The following ANK2 variants were observed in gnomAD, a reference collection of about 807,000 sequenced individuals.
ANK2 encodes the protein ankyrin-2.
In ANK2, 83 loss-of-function variants were observed where a neutral mutation model predicts 360.5. That is an observed-to-expected ratio of 0.23 (90% CI 0.19 to 0.28). ANK2 has a LOEUF of 0.28. ANK2 is among the 10% of genes least tolerant of loss of function. The pLI is 1.00. For missense variants in ANK2, 4,201 were observed against 4,795.7 expected (o/e 0.88, Z 3.66); for synonymous variants, 1,740 against 1,759.5 (o/e 0.99, Z 0.28).
chr4:113,163,979 C>G (rs899234413), intron 1 of ANK2, among the ~76,000 whole-genome samples: 6 of 152,088 alleles, frequency 3.9e-5, no homozygotes, highest in African/African-American at 9.7e-5. Flanking sequence ...TTCTCTACCC[C>G]CTCCCCCTTG....
chr4:113,221,408 C>T (rs1381332199), intron 4 of ANK2, among the ~76,000 whole-genome samples: 1 of 152,038 alleles, frequency 6.6e-6, no homozygotes, highest in Admixed American at 6.5e-5. Flanking sequence ...ATCTGCAATA[C>T]CAGCACTTTG....
chr4:112,851,041 C>T (rs1046844026), intron 1 of ANK2, among the ~76,000 whole-genome samples: 24 of 152,134 alleles, frequency 1.6e-4, no homozygotes, highest in Admixed American at 3.3e-4. Flanking sequence ...AAATAGCACT[C>T]GTCCTCTATA....
At chr4:113,296,848 T>G (rs1369059988) in intron 22 of ANK2, among the ~76,000 whole-genome samples, 1 of 152,174 alleles carries the variant, frequency 6.6e-6, no homozygotes, top group Non-Finnish European at 1.5e-5. Flanking sequence ...TTCCGCTAAT[T>G]GATCAACCAT....
At chr4:112,852,564 T>A (rs1375242574) in intron 1 of ANK2, among the ~76,000 whole-genome samples, 1 of 152,216 alleles carries the variant, frequency 6.6e-6, no homozygotes, top group Non-Finnish European at 1.5e-5. Flanking sequence ...TAGGATAGTA[T>A]GAATTATTTA....
Position 113,160,606 on chromosome 4 carries a change from CCCTTATATTAT to C in ANK2, c.85-13809_85-13799del, listed in dbSNP as rs1422863395. ...GAACATCTTCCCTTATATTGTTTTT[CCCTTATATTAT>C]ATTTCCAGAAATACTTCTCCATCTA... is the stretch of plus-strand genomic sequence containing the variant. On this transcript the variant is annotated intron_variant, in intron 1 of 45. Coordinates refer to ENST00000357077, the MANE Select transcript of ANK2 (RefSeq NM_001148.6). Among the ~76,000 whole-genome samples the C allele has an allele frequency of 6.4e-3, 975 of 152,264 alleles. 4 individuals are homozygous for C. The highest frequency in any genetic ancestry group is 0.023 in the African/African-American group (941 of 41,542).
At chr4:113,338,850 A>T (rs2093921222) in intron 31 of ANK2, among the ~76,000 whole-genome samples, 1 of 151,926 alleles carries the variant, frequency 6.6e-6, no homozygotes, top group Non-Finnish European at 1.5e-5. Context: ...CGCCCGGCCG[A>T]TTGTTCACTG....
At chr4:112,813,030 G>C in the ANK2 span, among the ~76,000 whole-genome samples, 1 of 151,990 alleles carries the variant, frequency 6.6e-6, no homozygotes, top group African/African-American at 2.4e-5. Context: ...ACAAGGTCAG[G>C]AGTTCGAGAC....
At chr4:113,287,780 A>G (rs1299056888) in intron 19 of ANK2, 77 bp downstream of exon 19, 2 of 1,194,794 alleles carry the variant, frequency 1.7e-6, no homozygotes, top group Non-Finnish European at 2.5e-6. Context: ...GGGTCACCCC[A>G]TGTCCAGGGT....
intron 1 of ANK2, among the ~76,000 whole-genome samples, chr4:112,850,266 A>G (rs1360886417): frequency 2.4e-5 from 3 of 123,362 alleles, no homozygotes; most frequent in African/African-American, 3.7e-5. Context: ...CTATCTATCT[A>G]TCTATCTATC....
intron 2 of ANK2, among the ~76,000 whole-genome samples, chr4:113,182,591 G>A (rs755293060): frequency 2.0e-5 from 3 of 152,040 alleles, no homozygotes; most frequent in Non-Finnish European, 4.4e-5. Flanking sequence ...AAAACCTGAA[G>A]TTGTGATTTC....
Position 113,359,070 on chromosome 4 carries a change from G to C in ANK2, c.10452G>C (p.Glu3484Asp). The C allele has an allele frequency of 6.2e-7, 1 of 1,614,098 alleles. No individual in the cohort carries two copies. Among genetic ancestry groups the C allele is most frequent in the East Asian group, 2.2e-5 (1 of 44,868 alleles). ...AATTCTTTGAGGAGATTAGTGATGAGGCTTCCAAATTAGTGGATAGGCTGA... is the reference window on the plus strand; with the variant it reads ...AATTCTTTGAGGAGATTAGTGATGACGCTTCCAAATTAGTGGATAGGCTGA... ...SIEFFEEISD[E>D]ASKLVDRLTQ... The change falls in exon 38 of 46, where the codon GAG becomes GAC. Residue 3484 changes from glutamate (E) to aspartate (D), a missense_variant. Glu to Asp is a conservative substitution (Grantham distance 45, BLOSUM62 2). This residue lies in a region of ANK2 where 2,642 missense variants were observed against 2,714.5 expected (regional missense o/e 0.97). Coordinates refer to ENST00000357077, the MANE Select transcript of ANK2 (RefSeq NM_001148.6).
intron 1 of ANK2, chr4:112,826,730 C>T: frequency 2.4e-6 from 2 of 833,852 alleles, no homozygotes; most frequent in Admixed American, 4.5e-5. Context: ...TAATACCTAC[C>T]AGTCAGTTTC....
intron 1 of ANK2, among the ~76,000 whole-genome samples, chr4:113,142,719 G>A (rs528193649): frequency 7.9e-5 from 12 of 151,976 alleles, no homozygotes; most frequent in Admixed American, 2.0e-4. Context: ...TGATTTCCCC[G>A]AGATGAAGAA....
chr4:113,287,999 C>T (rs938575584), intron 19 of ANK2, among the ~76,000 whole-genome samples: 1 of 152,142 alleles, frequency 6.6e-6, no homozygotes, highest in African/African-American at 2.4e-5. Flanking sequence ...TGCTGCGTTC[C>T]TCTTCTATTT....
chr4:112,787,573 AT>A, the ANK2 span, among the ~76,000 whole-genome samples: 1 of 152,152 alleles, frequency 6.6e-6, no homozygotes, highest in Non-Finnish European at 1.5e-5. Context: ...GTCTGGACTA[AT>A]TTCCATTGCC....
chr4:113,187,442 A>T lies in ANK2; in HGVS notation c.187-8926A>T, dbSNP rs941387443. ...CTAATGGTCACTTTGGCCCTTTTTA[A>T]CAACTCTACTTTTAGTGAAATTTTT... On this transcript the variant is annotated intron_variant, in intron 2 of 45. Transcript: ENST00000357077. Among the ~76,000 whole-genome samples, 3 of 152,184 alleles carry T rather than the reference A, an allele frequency of 2.0e-5. No individual in the cohort carries two copies. The East Asian group carries it at 5.8e-4, about 29-fold the overall frequency.
chr4:113,139,680 T>C (rs2096569044), intron 1 of ANK2, among the ~76,000 whole-genome samples: 1 of 152,230 alleles, frequency 6.6e-6, no homozygotes, highest in Non-Finnish European at 1.5e-5. Flanking sequence ...TCTGTCCTCA[T>C]AGTCTCTTTA....
At chr4:112,724,706 G>T in the ANK2 span, among the ~76,000 whole-genome samples, 26 of 151,936 alleles carry the variant, frequency 1.7e-4, no homozygotes, top group African/African-American at 6.3e-4. Flanking sequence ...GCTACTGATG[G>T]GAATAAATAA....
At chr4:112,796,640 A>T in the ANK2 span, among the ~76,000 whole-genome samples, 1 of 148,588 alleles carries the variant, frequency 6.7e-6, no homozygotes, top group Admixed American at 6.7e-5. Context: ...ATGAGCCACC[A>T]TGTCTGGCCA....
Sources: gnomAD v4.1 joint callset for allele counts (sites outside exome capture counted in the v4.1 genomes callset) on GRCh38, gnomAD v4.1.1 for gene constraint, gnomAD v4.1.1 regional missense constraint, MANE v1.5 for transcripts, NCBI Gene and HGNC (gene_info 2026-07-23, HGNC 2026-07-21) for gene names.